Variants in GNA15 observed in about 807,000 individuals in gnomAD.
GNA15 encodes G protein subunit alpha 15, also known as guanine nucleotide-binding protein subunit alpha-15.
GNA15 carries 23 observed loss-of-function variants against 40.1 expected under a neutral mutation model. The ratio of observed to expected loss-of-function variants is 0.57; its 90% CI spans 0.41 to 0.81. The LOEUF (loss-of-function observed/expected upper bound fraction) is 0.81. Among genes scored for constraint, GNA15 ranks in the 40% least tolerant of loss-of-function variants. GNA15 has a pLI of 0.00. For missense variants in GNA15, 522 were observed against 515.8 expected (o/e 1.01, Z -0.12); for synonymous variants, 226 against 210.4 (o/e 1.07, Z -0.64).
At chr19:3,157,677 C>T (rs758168801) in intron 5 of GNA15, 51 bp from the exon 6 acceptor site, 15 of 1,565,034 alleles carry the variant, frequency 9.6e-6, no homozygotes, top group Non-Finnish European at 1.3e-5. Flanking sequence ...GGAGGGTTTC[C>T]TGTCCCACCT....
intron 6 of GNA15, among the ~76,000 whole-genome samples, chr19:3,158,421 G>C (rs1440432867): frequency 6.6e-6 from 1 of 152,072 alleles, no homozygotes; most frequent in Non-Finnish European, 1.5e-5. Flanking sequence ...CAAAGTGCTA[G>C]GATTATAGAC....
At chr19:3,149,881 G>C (rs1162105863) in intron 2 of GNA15, 3 of 430,748 alleles carry the variant, frequency 7.0e-6, no homozygotes, top group Non-Finnish European at 1.3e-5. Context: ...CTGAGCCTGG[G>C]CTCGCCCGAG....
At chr19:3,148,396 A>G (rs550313892) in intron 1 of GNA15, among the ~76,000 whole-genome samples, 195 bp from the exon 2 acceptor site, 8 of 152,242 alleles carry the variant, frequency 5.3e-5, no homozygotes, top group Admixed American at 5.2e-4. Context: ...CCTGAGGTTC[A>G]TGTTTTACAG....
intron 3 of GNA15, among the ~76,000 whole-genome samples, chr19:3,150,576 A>C (rs114530676): frequency 0.012 from 1,748 of 151,820 alleles, 36 homozygotes; most frequent in African/African-American, 0.039. Flanking sequence ...CCCTATTCAT[A>C]GGGGGACTCT....
chr19:3,147,155 A>G (rs915486689), intron 1 of GNA15, among the ~76,000 whole-genome samples: 4 of 152,186 alleles, frequency 2.6e-5, no homozygotes, highest in Admixed American at 1.3e-4. Context: ...GTAGTCACCT[A>G]ATTACTCCTT....
rs557248368 is a variant in GNA15 at position 3,147,136 on chromosome 19, G to A, written c.146-1455G>A. ...CCACTGAGAGGCCTTCCTTGACTGC[G>A]TGGCTATCGTAGTCACCTAATTACT... is the stretch of plus-strand genomic sequence containing the variant. On this transcript the variant is annotated intron_variant, in intron 1 of 6. Coordinates refer to ENST00000262958, the MANE Select transcript of GNA15 (RefSeq NM_002068.4). 4.6e-5 allele frequency among the ~76,000 whole-genome samples: 7 copies of A among 152,146 alleles called. No individual in the cohort carries two copies. The South Asian group carries it at 6.2e-4, about 14-fold the overall frequency.
intron 1 of GNA15, among the ~76,000 whole-genome samples, chr19:3,143,443 G>A (rs1320522989): frequency 6.6e-6 from 1 of 152,060 alleles, no homozygotes; most frequent in African/African-American, 2.4e-5. Flanking sequence ...CTTGAGGCCA[G>A]GAGTTCGAGA....
rs950939843 is a variant in GNA15 at position 3,136,094 on chromosome 19, G to A, written c.-357G>A. ...CCCAGTCTGCGGTGGGGGTTTTCCC[G>A]CCACCGCCCCGCCCTCCCTGGGGCC... On this transcript the variant is annotated 5_prime_UTR_variant, in exon 1 of 7. Coordinates refer to ENST00000262958, the MANE Select transcript of GNA15 (RefSeq NM_002068.4). The surrounding 1 kb of genome is among the most constrained non-coding windows in gnomAD (Gnocchi z 4.9). The A allele has an allele frequency of 1.1e-5, 2 of 176,632 alleles. No individual in the cohort carries two copies. Among genetic ancestry groups the A allele is most frequent in the South Asian group, 1.2e-4 (1 of 8,116 alleles). 10.9% of individuals were successfully genotyped at this position (176,632 alleles called of 1,614,324 possible). A position where few individuals can be genotyped will look rare whatever the true frequency, so the allele number is the denominator to read the frequency against.
At position 3,136,134 on chromosome 19, in the gene GNA15, T is replaced by A; in HGVS notation, c.-317T>A. 1 of 211,932 alleles carries A rather than the reference T, an allele frequency of 4.7e-6. No individual in the cohort carries two copies. Among genetic ancestry groups the A allele is most frequent in the Non-Finnish European group, 9.4e-6 (1 of 106,136 alleles). 13.1% of individuals were successfully genotyped at this position (211,932 alleles called of 1,614,324 possible). On this transcript the variant is annotated 5_prime_UTR_variant, in exon 1 of 7. Coordinates refer to ENST00000262958, the MANE Select transcript of GNA15 (RefSeq NM_002068.4). The surrounding 1 kb of genome is among the most constrained non-coding windows in gnomAD (Gnocchi z 4.9). ...TCCCTGGGGCCCCCACCTCACCCTC[T>A]CCTGGCACCCTTCACCGTCAACCTG...
At chr19:3,152,141 C>T (rs117962081) in intron 4 of GNA15, among the ~76,000 whole-genome samples, 5,445 of 152,114 alleles carry the variant, frequency 0.036, 133 homozygotes, top group Non-Finnish European at 0.049. Context: ...GAAGGGGCTG[C>T]TGGGGAGGAG....
At chr19:3,157,984 C>A in intron 6 of GNA15, 103 bp downstream of exon 6, 1 of 888,954 alleles carries the variant, frequency 1.1e-6, no homozygotes. Context: ...CCGGAACTTT[C>A]ACATAGGATC....
chr19:3,136,303 C>A lies in GNA15; in HGVS notation c.-148C>A. The A allele has an allele frequency of 1.3e-6, 1 of 750,538 alleles. No homozygotes were observed. 46.5% of individuals were successfully genotyped at this position (750,538 alleles called of 1,614,324 possible). A position where few individuals can be genotyped will look rare whatever the true frequency, so the allele number is the denominator to read the frequency against. ...GTGTTTCAGGCAAGGAAGTCTAGGT[C>A]CCTGGGGGGTGACCCCCAAGGAAAA... On this transcript the variant is annotated 5_prime_UTR_variant, in exon 1 of 7. Transcript: ENST00000262958. The surrounding 1 kb of genome is among the most constrained non-coding windows in gnomAD (Gnocchi z 4.9).
chr19:3,157,336 T>A (rs1599330120), intron 5 of GNA15, among the ~76,000 whole-genome samples: 2 of 152,170 alleles, frequency 1.3e-5, no homozygotes, highest in East Asian at 3.9e-4. Context: ...AGTCACGGAC[T>A]TGAGGGCCAC....
rs368743040 is a variant in GNA15 at position 3,151,734 on chromosome 19, C to T, written c.513C>T (p.Thr171=). ...ACCTGTCCCACCTGGAGCGCATCAC[C>T]GAGGAGGGCTACGTCCCCACAGCTC... is the stretch of plus-strand genomic sequence containing the variant. ...VYYLSHLERI[T]EEGYVPTAQD... Residue 171 remains threonine, a synonymous_variant, in exon 4 of 7, where the codon ACC becomes ACT. Coordinates refer to ENST00000262958, the MANE Select transcript of GNA15 (RefSeq NM_002068.4). The surrounding 1 kb of genome is among the most constrained non-coding windows in gnomAD (Gnocchi z 5.0). The T allele has an allele frequency of 3.7e-5, 59 of 1,607,820 alleles. 1 individual carries two copies. In the Middle Eastern group the frequency reaches 8.3e-4, roughly 23 times the overall value.
intron 1 of GNA15, among the ~76,000 whole-genome samples, chr19:3,145,359 A>ATATATATATATATATATATATATATTT: frequency 3.6e-4 from 17 of 46,956 alleles, no homozygotes; most frequent in South Asian, 7.4e-4. Flanking sequence ...ATATATATAT[A>ATATATATATATATATATATATATATTT]TTTTTTTTTT....
chr19:3,159,048 G>A (rs1463874556), intron 6 of GNA15, among the ~76,000 whole-genome samples: 3 of 151,082 alleles, frequency 2.0e-5, no homozygotes, highest in African/African-American at 4.9e-5. Context: ...TTTTTGAGAC[G>A]GAGTCTCGCT....
chr19:3,161,966 G>A (rs1915147647), intron 6 of GNA15, among the ~76,000 whole-genome samples: 1 of 151,970 alleles, frequency 6.6e-6, no homozygotes, highest in South Asian at 2.1e-4. Context: ...CCAGGAGGTG[G>A]AGGTTGCAGT....
At position 3,162,964 on chromosome 19, in the gene GNA15, A is replaced by G. The variant is rs1232858885; in HGVS notation, c.1070A>G (p.Lys357Arg). 1.2e-6 allele frequency: 2 copies of G among 1,614,138 alleles called. No individual in the cohort carries two copies. The highest frequency in any genetic ancestry group is 2.2e-5 in the East Asian group (1 of 44,878). Reference protein sequence around the residue: ...TDTQNIRKVFKDVRDSVLARY... With the variant: ...TDTQNIRKVFRDVRDSVLARY... ...ACACAGAACATCCGCAAGGTCTTCAAGGACGTGCGGGACTCGGTGCTCGCC... is the reference window on the plus strand; with the variant it reads ...ACACAGAACATCCGCAAGGTCTTCAGGGACGTGCGGGACTCGGTGCTCGCC... Residue 357 changes from lysine to arginine, a missense_variant, in exon 7 of 7, where the codon AAG becomes AGG. By Grantham distance (26) the Lys-to-Arg change is conservative. Coordinates refer to ENST00000262958, the MANE Select transcript of GNA15 (RefSeq NM_002068.4).
At chr19:3,150,023 G>A in intron 2 of GNA15, 108 bp from the exon 3 acceptor site, 1 of 889,082 alleles carries the variant, frequency 1.1e-6, no homozygotes, top group Non-Finnish European at 1.7e-6. Flanking sequence ...GGAGAGCAGT[G>A]GGAAGAGAGC....
Sources: gnomAD v4.1 joint callset for allele counts (sites outside exome capture counted in the v4.1 genomes callset) on GRCh38, gnomAD v4.1.1 for gene constraint, Gnocchi (gnomAD v3.1) non-coding constraint, MANE v1.5 for transcripts, NCBI Gene and HGNC (gene_info 2026-07-23, HGNC 2026-07-21) for gene names.